The following PRPF18 variants were observed in gnomAD, a reference collection of about 807,000 sequenced individuals.
PRPF18 encodes pre-mRNA processing factor 18, also known as pre-mRNA-splicing factor 18.
A neutral mutation model predicts 46.5 loss-of-function variants in PRPF18; 38 were observed. The observed-to-expected ratio is 0.82, with a 90% CI of 0.63 to 1.07. The LOEUF is 1.07. Ranked by LOEUF, PRPF18 falls within the 50% of genes least tolerant of loss-of-function variation. The pLI is 0.00. For synonymous variants in PRPF18, 152 were observed against 146.7 expected (o/e 1.04, Z -0.26); for missense variants, 263 against 410.0 (o/e 0.64, Z 3.10).
chr10:13,651,656 G>A, the PRPF18 span: 1 of 496,088 alleles, frequency 2.0e-6, no homozygotes, highest in African/African-American at 1.9e-5. Flanking sequence ...CTGGGCAACA[G>A]AACAAGACTC....
chr10:13,651,921 T>C, the PRPF18 span: 3 of 1,582,076 alleles, frequency 1.9e-6, no homozygotes, highest in African/African-American at 1.3e-5. Flanking sequence ...ATCAGTACTT[T>C]GGTGAGGTGG....
At chr10:13,650,533 C>T in the PRPF18 span, among the ~76,000 whole-genome samples, 1 of 152,196 alleles carries the variant, frequency 6.6e-6, no homozygotes, top group Non-Finnish European at 1.5e-5. Context: ...ATCTCCATCA[C>T]CTTTAGCAGA....
At chr10:13,619,088 C>T (rs1052322727) in intron 9 of PRPF18, among the ~76,000 whole-genome samples, 18 of 152,158 alleles carry the variant, frequency 1.2e-4, no homozygotes, top group East Asian at 3.9e-4. Context: ...ATAGGGTTTG[C>T]GCTCCTGTGA....
At position 13,610,109 on chromosome 10, in the gene PRPF18, G is replaced by C; in HGVS notation, c.434G>C (p.Gly145Ala). 1 of 1,613,992 alleles carries C rather than the reference G, an allele frequency of 6.2e-7. No homozygotes were observed. Among genetic ancestry groups the C allele is most frequent in the Non-Finnish European group, 8.5e-7 (1 of 1,179,872 alleles). The change falls in exon 5 of 10, where the codon GGT becomes GCT. Residue 145 changes from glycine (G) to alanine (A), a missense_variant. Physicochemically the swap from Gly to Ala is moderately conservative, Grantham distance 60. This residue lies in a region of PRPF18 where 155 missense variants were observed against 245.1 expected (regional missense o/e 0.63). Coordinates refer to ENST00000378572, the MANE Select transcript of PRPF18 (RefSeq NM_003675.4). ...CAGTACCTCAATGAAATCGTCGGCG[G>C]TCAGGAGCCTGGAGAGGAAGACACA... is the stretch of plus-strand genomic sequence containing the variant. Reference protein sequence around the residue: ...DQQYLNEIVGGQEPGEEDTQN... With the variant: ...DQQYLNEIVGAQEPGEEDTQN...
intron 1 of PRPF18, 116 bp from the exon 2 acceptor site, chr10:13,597,342 C>G: frequency 1.5e-6 from 1 of 680,998 alleles, no homozygotes; most frequent in Non-Finnish European, 2.4e-6. Context: ...TTTATTTTAT[C>G]CAATTCTTGA....
At chr10:13,652,165 T>A in the PRPF18 span, 1 of 605,958 alleles carries the variant, frequency 1.7e-6, no homozygotes. Context: ...AAATACCTAG[T>A]TTGTTAGGAG....
At chr10:13,611,807 A>C in intron 6 of PRPF18, 124 bp downstream of exon 6, 1 of 699,406 alleles carries the variant, frequency 1.4e-6, no homozygotes, top group Non-Finnish European at 2.5e-6. Context: ...TCACACATAC[A>C]TGATGTTTAT....
intron 9 of PRPF18, among the ~76,000 whole-genome samples, chr10:13,620,227 A>G (rs1257231358): frequency 6.6e-6 from 1 of 152,188 alleles, no homozygotes; most frequent in African/African-American, 2.4e-5. Flanking sequence ...TCACCCATGC[A>G]GCTAAGGCAC....
At chr10:13,627,853 G>C (rs1333372401) in intron 9 of PRPF18, among the ~76,000 whole-genome samples, 1 of 152,166 alleles carries the variant, frequency 6.6e-6, no homozygotes, top group Non-Finnish European at 1.5e-5. Flanking sequence ...CAAACCATCA[G>C]TTTGCCTTCC....
intron 1 of PRPF18, among the ~76,000 whole-genome samples, chr10:13,593,837 T>G (rs1389741278): frequency 6.6e-6 from 1 of 152,228 alleles, no homozygotes; most frequent in Non-Finnish European, 1.5e-5. Flanking sequence ...TTTAGTCATC[T>G]GCTGAAAATG....
At chr10:13,649,412 C>T in the PRPF18 span, 1 of 152,196 alleles carries the variant, frequency 6.6e-6, no homozygotes, top group Non-Finnish European at 1.5e-5. Flanking sequence ...GGTCACAGAA[C>T]CCACATATGA....
chr10:13,630,348 G>A lies in PRPF18; in HGVS notation c.*8G>A. 1 of 1,595,504 alleles carries A rather than the reference G, an allele frequency of 6.3e-7. No individual in the cohort carries two copies. The highest frequency in any genetic ancestry group is 1.3e-5 in the African/African-American group (1 of 74,596). On this transcript the variant is annotated 3_prime_UTR_variant, in exon 10 of 10. Transcript: ENST00000378572. ...GAGTACAATGCACTGTGAGATCTGTGTATGGTGTGTTAATAACAATAAGAA... is the reference window on the plus strand; with the variant it reads ...GAGTACAATGCACTGTGAGATCTGTATATGGTGTGTTAATAACAATAAGAA...
At chr10:13,646,942 G>C in the PRPF18 span, 2 of 970,612 alleles carry the variant, frequency 2.1e-6, no homozygotes, top group South Asian at 4.8e-5. Flanking sequence ...CTCACACGAG[G>C]GTCCCGGGCT....
chr10:13,608,361 C>T (rs1312628726), intron 4 of PRPF18, among the ~76,000 whole-genome samples: 3 of 152,326 alleles, frequency 2.0e-5, no homozygotes, highest in Non-Finnish European at 4.4e-5. Context: ...ACAGCTGGGG[C>T]TGGCCAGGCC....
chr10:13,587,020 G>C lies in PRPF18; in HGVS notation c.-67G>C. 53 of 1,535,570 alleles carry C rather than the reference G, an allele frequency of 3.5e-5. No individual in the cohort carries two copies. The highest frequency in any genetic ancestry group is 4.5e-5 in the Non-Finnish European group (50 of 1,108,636). On this transcript the variant is annotated 5_prime_UTR_variant, in exon 1 of 10. Coordinates refer to ENST00000378572, the MANE Select transcript of PRPF18 (RefSeq NM_003675.4). ...CCGTATACTCAGTGGGTTCGCGGCC[G>C]CCGGCCCAGTGAGGCTGGGTTCGAG...
intron 8 of PRPF18, among the ~76,000 whole-genome samples, chr10:13,615,359 T>C: frequency 6.6e-6 from 1 of 152,218 alleles, no homozygotes. Context: ...TCTTTGAAAT[T>C]TGGGGGAAAC....
the PRPF18 span, among the ~76,000 whole-genome samples, chr10:13,636,434 A>G: frequency 2.6e-5 from 4 of 152,118 alleles, no homozygotes; most frequent in African/African-American, 9.7e-5. Flanking sequence ...TAAGTAATAA[A>G]TTAATTAAGT....
chr10:13,645,884 CA>C, the PRPF18 span: 1 of 152,600 alleles, frequency 6.6e-6, no homozygotes, highest in Non-Finnish European at 1.5e-5. Flanking sequence ...GAAAATGAAA[CA>C]CCTTGTGCAA....
chr10:13,621,008 A>C (rs2080413155), intron 9 of PRPF18, among the ~76,000 whole-genome samples: 1 of 152,192 alleles, frequency 6.6e-6, no homozygotes, highest in African/African-American at 2.4e-5. Context: ...TAGAGATGTA[A>C]CCCCTGGCCC....
Sources: allele counts gnomAD v4.1 joint callset (sites outside exome capture counted in the v4.1 genomes callset), GRCh38; gene constraint gnomAD v4.1.1; regional missense constraint gnomAD v4.1.1; transcripts MANE v1.5; gene names NCBI Gene and HGNC (gene_info 2026-07-23, HGNC 2026-07-21).